The following TAF7L variants were observed in gnomAD, a reference collection of about 807,000 sequenced individuals.
TAF7L encodes transcription initiation factor TFIID subunit 7-like.
A neutral mutation model predicts 30.2 loss-of-function variants in TAF7L; 6 were observed. That is an observed-to-expected ratio of 0.20 (90% CI 0.11 to 0.39). The LOEUF (loss-of-function observed/expected upper bound fraction) is 0.39, where lower values mean the gene tolerates loss of function less well. Among genes scored for constraint, TAF7L ranks in the 10% least tolerant of loss-of-function variants. The probability of loss-of-function intolerance (pLI) is 1.00; values close to 1 mark genes in which losing one functional copy is unlikely to be tolerated. For missense variants in TAF7L, 284 were observed against 277.1 expected, an observed-to-expected ratio of 1.03 and a Z score of -0.18; for synonymous variants, 93 against 94.5, an observed-to-expected ratio of 0.98 and a Z score of 0.09.
intron 3 of TAF7L, among the ~76,000 whole-genome samples, chrX:101,285,497 C>CAAA (rs768979097): frequency 4.3e-4 from 10 of 23,041 alleles, no homozygotes; most frequent in Admixed American, 5.5e-4. Context: ...GACTCCATCT[C>CAAA]AAAAAAAAAA....
At chrX:101,269,483 C>T (rs1266345945) in intron 12 of TAF7L, among the ~76,000 whole-genome samples, 1 of 111,830 alleles carries the variant, frequency 8.9e-6, no homozygotes, top group Non-Finnish European at 1.9e-5. Context: ...AGTCAGTTTT[C>T]ACACTGCTGA....
chrX:101,282,242 G>A, intron 5 of TAF7L, 85 bp downstream of exon 5: 1 of 1,134,945 alleles, frequency 8.8e-7, no homozygotes. Context: ...ACCTAAGTGT[G>A]GTAAGACGTC....
At chrX:101,272,737 T>C (rs940734535) in intron 12 of TAF7L, among the ~76,000 whole-genome samples, 4 of 111,194 alleles carry the variant, frequency 3.6e-5, no homozygotes, top group Admixed American at 9.6e-5. Context: ...ACTCTGAATA[T>C]GCTAAAAGCC....
chrX:101,279,946 A>AC (rs1489619758), intron 6 of TAF7L, among the ~76,000 whole-genome samples: 1 of 110,793 alleles, frequency 9.0e-6, no homozygotes, highest in East Asian at 2.8e-4. Flanking sequence ...ACAAACAAAC[A>AC]AAAACAAAAC....
Position 101,291,252 on chromosome X carries a change from C to T in TAF7L, c.-31G>A, listed in dbSNP as rs916052861. On this transcript the variant is annotated 5_prime_UTR_variant, in exon 1 of 13. Transcript: ENST00000356784. ...CTCCTCCGGGAACTGGCGCCGACAC[C>T]GAAAAGGCTGGGACCTGCGTCTCTG... 2.7e-6 allele frequency: 2 copies of T among 752,885 alleles called. No individual in the cohort carries two copies. Among genetic ancestry groups the T allele is most frequent in the African/African-American group, 4.6e-5 (2 of 43,422 alleles). The allele number at this position is 752,885 out of a possible 1,213,427, so 62.0% of individuals were successfully genotyped here.
chrX:101,286,814 C>T (rs1391711120), intron 2 of TAF7L, among the ~76,000 whole-genome samples, 161 bp from the exon 3 acceptor site: 1 of 111,809 alleles, frequency 8.9e-6, no homozygotes, highest in African/African-American at 3.3e-5. Flanking sequence ...CTGTATAAGT[C>T]AAGTTAGGAT....
chrX:101,280,341 T>C (rs1313247180), intron 6 of TAF7L, among the ~76,000 whole-genome samples: 7 of 111,753 alleles, frequency 6.3e-5, no homozygotes, highest in African/African-American at 2.3e-4. Context: ...GCAAAAGGCA[T>C]GAGCAGACAT....
At chrX:101,286,534 A>G (rs1215063798) in intron 3 of TAF7L, 41 bp downstream of exon 3, 1 of 1,005,153 alleles carries the variant, frequency 9.9e-7, no homozygotes, top group Non-Finnish European at 1.4e-6. Flanking sequence ...CCCTTAATAA[A>G]TTATTGTTCA....
At chrX:101,290,458 G>C (rs1021269277) in intron 1 of TAF7L, among the ~76,000 whole-genome samples, 1 of 112,007 alleles carries the variant, frequency 8.9e-6, no homozygotes, top group Non-Finnish European at 1.9e-5. Flanking sequence ...CTGGGAGCAG[G>C]AACAGATTAT....
chrX:101,291,094 G>T, intron 1 of TAF7L, 130 bp downstream of exon 1: 1 of 180,197 alleles, frequency 5.5e-6, no homozygotes, highest in Non-Finnish European at 8.8e-6. Context: ...CCAACAGGTC[G>T]CAACGGGTCC....
intron 1 of TAF7L, among the ~76,000 whole-genome samples, chrX:101,290,723 C>A (rs1460837293): frequency 1.8e-5 from 2 of 112,124 alleles, no homozygotes; most frequent in Non-Finnish European, 1.9e-5. Context: ...AATTTACTTG[C>A]ATTTACCTAA....
upstream of TAF7L, among the ~76,000 whole-genome samples, chrX:101,291,841 G>A (rs1924817003): frequency 1.0e-5 from 1 of 97,356 alleles, no homozygotes; most frequent in South Asian, 5.3e-4. Flanking sequence ...ACTCCAGCCT[G>A]GCGACAGAGT....
At chrX:101,276,213 T>G in intron 10 of TAF7L, 94 bp downstream of exon 10, 1 of 1,188,272 alleles carries the variant, frequency 8.4e-7, no homozygotes, top group Non-Finnish European at 1.1e-6. Flanking sequence ...AGCGATAACT[T>G]CTTGAGCTTA....
Position 101,291,299 on chromosome X carries a change from CG to C in TAF7L, c.-79del, listed in dbSNP as rs1280367771. The stretch of plus-strand genomic sequence containing the variant: ...TCTGGTCTGTGGGTTCCGGACGAAC[CG>C]CGCGTGGGCTCCCGCGCGGAACGTA... On this transcript the variant is annotated 5_prime_UTR_variant, in exon 1 of 13. Coordinates refer to ENST00000356784, the MANE Select transcript of TAF7L (RefSeq NM_001168474.2). 5.3e-6 allele frequency: 4 copies of C among 752,902 alleles called. No homozygotes were observed. In the African/African-American group the frequency reaches 9.2e-5, roughly 17 times the overall value. 62.0% of individuals were successfully genotyped at this position (752,902 alleles called of 1,213,427 possible).
At chrX:101,288,690 C>T (rs757522500) in intron 1 of TAF7L, among the ~76,000 whole-genome samples, 1 of 110,111 alleles carries the variant, frequency 9.1e-6, no homozygotes, top group South Asian at 3.9e-4. Context: ...AAAAGAACTC[C>T]TAAGATGGAT....
intron 3 of TAF7L, among the ~76,000 whole-genome samples, chrX:101,285,711 C>A (rs1924563166): frequency 9.2e-6 from 1 of 108,481 alleles, no homozygotes. Flanking sequence ...TTTCATGAAC[C>A]TTTTGGCTAC....
intron 3 of TAF7L, 127 bp downstream of exon 3, chrX:101,286,448 G>T (rs756934331): frequency 4.5e-6 from 2 of 447,316 alleles, no homozygotes; most frequent in South Asian, 8.9e-5. Context: ...TAAAGCATGA[G>T]TCCATCAAGT....
Position 101,275,236 on chromosome X carries a change from GT to G in TAF7L, c.1071del (p.Lys357AsnfsTer18). 8.5e-7 allele frequency: 1 copy of G among 1,179,263 alleles called. No homozygotes were observed. The highest frequency in any genetic ancestry group is 2.4e-5 in the Admixed American group (1 of 41,827). On this transcript the variant is annotated frameshift_variant, in exon 12 of 13. Coordinates refer to ENST00000356784, the MANE Select transcript of TAF7L (RefSeq NM_001168474.2). LOFTEE classifies it low-confidence loss of function (END_TRUNC). Reference protein sequence around the residue: ...SVLEQLELQEKQKNEKLISLQ... With the variant: ...SVLEQLELQEXQKNEKLISLQ... ...ATACTTCTTACCTTCTCATTTTTTT[GT>G]TTTTCCTGTAACTCAAGCTGCTCCA...
At chrX:101,282,826 C>T (rs999755255) in intron 4 of TAF7L, among the ~76,000 whole-genome samples, 3 of 111,103 alleles carry the variant, frequency 2.7e-5, no homozygotes, top group Non-Finnish European at 5.7e-5. Flanking sequence ...TGCAGTGGTA[C>T]GTGATCATGG....
Sources: allele counts gnomAD v4.1 joint callset (sites outside exome capture counted in the v4.1 genomes callset), GRCh38; gene constraint gnomAD v4.1.1; transcripts MANE v1.5; gene names NCBI Gene and HGNC (gene_info 2026-07-23, HGNC 2026-07-21).